The following PCDH7 variants were observed in gnomAD, a reference collection of about 807,000 sequenced individuals.
The protein encoded by PCDH7 is protocadherin 7.
Under a neutral mutation model 58.9 loss-of-function variants are expected in PCDH7, and 17 were observed. The observed-to-expected ratio is 0.29, with a 90% CI of 0.20 to 0.43. The LOEUF is 0.43. PCDH7 is among the 20% of genes least tolerant of loss of function. PCDH7 has a pLI of 1.00. For missense variants in PCDH7, 1,274 were observed against 1,441.0 expected, an observed-to-expected ratio of 0.88 and a Z score of 1.88; for synonymous variants, 664 against 616.4, an observed-to-expected ratio of 1.08 and a Z score of -1.14.
intron 3 of PCDH7, among the ~76,000 whole-genome samples, chr4:31,077,909 A>T (rs186056518): frequency 7.9e-5 from 12 of 152,320 alleles, no homozygotes; most frequent in African/African-American, 9.6e-5. Context: ...GCTGTTTTGA[A>T]GGAAGAATTA....
intron 3 of PCDH7, among the ~76,000 whole-genome samples, chr4:30,993,269 C>T (rs1751610925): frequency 6.6e-6 from 1 of 152,092 alleles, no homozygotes; most frequent in Non-Finnish European, 1.5e-5. Context: ...GTATGTGATC[C>T]CACATGGGTA....
intron 1 of PCDH7, among the ~76,000 whole-genome samples, chr4:30,759,267 C>A (rs1453166811): frequency 6.6e-6 from 1 of 151,988 alleles, no homozygotes; most frequent in Non-Finnish European, 1.5e-5. Context: ...TTTAAGTGGT[C>A]ATGTCAAAGA....
chr4:30,805,630 A>G (rs1726101952), intron 1 of PCDH7, among the ~76,000 whole-genome samples: 1 of 152,320 alleles, frequency 6.6e-6, no homozygotes, highest in Non-Finnish European at 1.5e-5. Flanking sequence ...AACGTTTCTC[A>G]TGAGTGAAGA....
intron 3 of PCDH7, among the ~76,000 whole-genome samples, chr4:31,028,424 T>C (rs1280381706): frequency 6.6e-6 from 1 of 152,090 alleles, no homozygotes; most frequent in East Asian, 1.9e-4. Context: ...GCTGAGGTAG[T>C]AGGACCTCTT....
intron 1 of PCDH7, among the ~76,000 whole-genome samples, chr4:30,916,747 G>A (rs1158371958): frequency 6.6e-6 from 1 of 152,114 alleles, no homozygotes; most frequent in Non-Finnish European, 1.5e-5. Context: ...CCAGCTAATT[G>A]CCTGGAGCAC....
intron 3 of PCDH7, among the ~76,000 whole-genome samples, chr4:31,054,324 C>A (rs1312219668): frequency 1.3e-5 from 2 of 152,156 alleles, no homozygotes; most frequent in African/African-American, 2.4e-5. Flanking sequence ...CATGTGAAAT[C>A]AAAGCAGCCA....
intron 3 of PCDH7, among the ~76,000 whole-genome samples, chr4:31,073,726 G>T (rs773020876): frequency 1.3e-5 from 2 of 152,248 alleles, no homozygotes; most frequent in Non-Finnish European, 2.9e-5. Context: ...TTATTTCACT[G>T]TTTGCATACA....
chr4:30,721,460 G>A lies in PCDH7; in HGVS notation c.38G>A (p.Trp13Ter), dbSNP rs1222812881. The change falls in exon 1 of 2, where the codon TGG becomes TAG. Residue 13 changes from tryptophan to a stop codon, truncating the protein, a stop_gained. Coordinates refer to ENST00000361762, the Ensembl canonical transcript of PCDH7. LOFTEE classifies it high-confidence loss of function. The surrounding 1 kb of genome is among the most constrained non-coding windows in gnomAD (Gnocchi z 6.7). ...CGGACCGCGGGATGGGCGCGCGGCT[G>A]GTGCTTGGGCTGCTGCCTCCTCCTG... 6.4e-7 allele frequency: 1 copy of A among 1,559,852 alleles called. No homozygotes were observed. The highest frequency in any genetic ancestry group is 8.6e-7 in the Non-Finnish European group (1 of 1,157,344).
chr4:30,750,352 C>T (rs1458957241), intron 1 of PCDH7, among the ~76,000 whole-genome samples: 1 of 152,092 alleles, frequency 6.6e-6, no homozygotes, highest in Admixed American at 6.6e-5. Context: ...GGTCAAGGGA[C>T]CTTGTGATTG....
intron 2 of PCDH7, among the ~76,000 whole-genome samples, chr4:30,936,731 G>A (rs899175356): frequency 6.6e-6 from 1 of 151,746 alleles, no homozygotes; most frequent in Non-Finnish European, 1.5e-5. Context: ...TAACTCAGAC[G>A]GTCAAATATT....
intron 1 of PCDH7, among the ~76,000 whole-genome samples, chr4:30,839,536 A>G (rs1256991658): frequency 1.3e-5 from 2 of 152,036 alleles, no homozygotes; most frequent in Non-Finnish European, 2.9e-5. Flanking sequence ...GGTAATTTTT[A>G]TTTTTTGCCA....
At position 30,722,760 on chromosome 4, in the gene PCDH7, G is replaced by A. The variant is rs746729824; in HGVS notation, c.1338G>A (p.Gln446=). ...TCGACACCCCCATCGCTCTGGTGCA[G>A]GTGTCCGACCGAGACCAAGGCGAGA... Residue 446 remains glutamine (Q), a synonymous_variant, in exon 1 of 2, where the codon CAG becomes CAA. Transcript: ENST00000361762. The surrounding 1 kb of genome is among the most constrained non-coding windows in gnomAD (Gnocchi z 7.6). The A allele has an allele frequency of 3.9e-5, 63 of 1,613,454 alleles. No individual in the cohort carries two copies. The highest frequency in any genetic ancestry group is 3.3e-4 in the East Asian group (15 of 44,898).
At chr4:31,126,198 A>G (rs1345621569) in intron 3 of PCDH7, among the ~76,000 whole-genome samples, 4 of 146,346 alleles carry the variant, frequency 2.7e-5, no homozygotes, top group African/African-American at 1.0e-4. Context: ...ATCTTGGCTC[A>G]CTGCAACCTC....
Position 30,722,529 on chromosome 4 carries a change from C to T in PCDH7, c.1107C>T (p.Val369=), listed in dbSNP as rs753017604. 2 of 1,611,806 alleles carry T rather than the reference C, an allele frequency of 1.2e-6. No individual in the cohort carries two copies. Among genetic ancestry groups the T allele is most frequent in the African/African-American group, 2.7e-5 (2 of 74,936 alleles). The change falls in exon 1 of 2, where the codon GTC becomes GTT. Residue 369 remains valine (V), a synonymous_variant. Coordinates refer to ENST00000361762, the Ensembl canonical transcript of PCDH7. This position sits in a 1 kb window ranked among gnomAD's most constrained non-coding sequence, Gnocchi z 7.6. ...ACGAGACGTCCGGCTGGCTCAGCGT[C>T]CTGCACCGGATCGACCGCGAGGAGG...
At chr4:30,944,210 C>T (rs535670720) in intron 2 of PCDH7, among the ~76,000 whole-genome samples, 18 of 152,020 alleles carry the variant, frequency 1.2e-4, no homozygotes, top group African/African-American at 2.2e-4. Flanking sequence ...GAATTCAGAG[C>T]GGATAGGATA....
At chr4:30,988,025 G>A (rs934132534) in intron 3 of PCDH7, among the ~76,000 whole-genome samples, 1 of 152,086 alleles carries the variant, frequency 6.6e-6, no homozygotes, top group Non-Finnish European at 1.5e-5. Flanking sequence ...TATTTTAAAG[G>A]CCAGATTTGC....
downstream of PCDH7, chr4:31,144,217 C>T (rs372751029): frequency 1.3e-5 from 2 of 152,176 alleles, no homozygotes; most frequent in Non-Finnish European, 2.9e-5. Context: ...AACAAGGTGA[C>T]ACCCTAGTTG....
intron 3 of PCDH7, among the ~76,000 whole-genome samples, chr4:31,052,059 A>G (rs1756792482): frequency 6.6e-6 from 1 of 152,156 alleles, no homozygotes; most frequent in Admixed American, 6.6e-5. Context: ...TGTATATAAT[A>G]ATAGAAGGCT....
intron 3 of PCDH7, among the ~76,000 whole-genome samples, chr4:30,975,082 G>A (rs1749947778): frequency 6.6e-6 from 1 of 151,352 alleles, no homozygotes; most frequent in Non-Finnish European, 1.5e-5. Flanking sequence ...TCCCCCTGAG[G>A]AGGAGAGAGA....
Sources: gnomAD v4.1 joint callset for allele counts (sites outside exome capture counted in the v4.1 genomes callset) on GRCh38, gnomAD v4.1.1 for gene constraint, Gnocchi (gnomAD v3.1) non-coding constraint, MANE v1.5 for transcripts, NCBI Gene and HGNC (gene_info 2026-07-23, HGNC 2026-07-21) for gene names.